EVPL: variants seen among roughly 807,000 people sequenced by gnomAD.
The protein encoded by EVPL is envoplakin, also known as 210 kDa cornified envelope precursor protein.
In EVPL, 94 loss-of-function variants were observed where a neutral mutation model predicts 129.7. That is an observed-to-expected ratio of 0.72 (90% CI 0.61 to 0.86). The LOEUF is 0.86. EVPL is among the 40% of genes least tolerant of loss of function. The probability of loss-of-function intolerance (pLI) is 0.00; values close to 1 mark genes in which losing one functional copy is unlikely to be tolerated. For synonymous variants in EVPL, 1,172 were observed against 1,191.1 expected (o/e 0.98, Z 0.33); for missense variants, 2,625 against 2,721.1 (o/e 0.96, Z 0.79).
In EVPL at chr17:76,013,511, T is replaced by A. The variant is rs955339745; in HGVS notation, c.2373+915A>T. Reference sequence around the variant, plus strand: ...CTCTCCCCAAATATGCTCTGTTTCCTGTGTTCCCGCCTCAAGTGGAGGTGC... The same window carrying A: ...CTCTCCCCAAATATGCTCTGTTTCCAGTGTTCCCGCCTCAAGTGGAGGTGC... On this transcript the variant is annotated intron_variant, in intron 18 of 21. Transcript: ENST00000301607. The surrounding 1 kb of genome is among the most constrained non-coding windows in gnomAD (Gnocchi z 4.3). 6.6e-6 allele frequency among the ~76,000 whole-genome samples: 1 copy of A among 152,196 alleles called. No individual in the cohort carries two copies. Among genetic ancestry groups the A allele is most frequent in the East Asian group, 1.9e-4 (1 of 5,198 alleles).
At chr17:76,014,197 G>A (rs932940080) in intron 18 of EVPL, among the ~76,000 whole-genome samples, 2 of 152,202 alleles carry the variant, frequency 1.3e-5, no homozygotes, top group African/African-American at 2.4e-5. Flanking sequence ...GAAAGTGGCC[G>A]GAACCCTCAG....
At chr17:76,020,979 CT>C (rs1237258379) in intron 9 of EVPL, among the ~76,000 whole-genome samples, 1 of 152,184 alleles carries the variant, frequency 6.6e-6, no homozygotes, top group African/African-American at 2.4e-5. Flanking sequence ...TTTCACCCCC[CT>C]GGGAACCGCT....
rs763778048 is a variant in EVPL, at chr17:76,011,855, G to A, written c.2485C>T (p.Arg829Cys). The A allele has an allele frequency of 2.1e-5, 34 of 1,613,424 alleles. No homozygotes were observed. The highest frequency in any genetic ancestry group is 5.0e-5 in the Admixed American group (3 of 59,840). The change falls in exon 20 of 22, where the codon CGC (arginine) becomes TGC (cysteine). Residue 829 changes from arginine (R) to cysteine (C), a missense_variant. By Grantham distance (180) the Arg-to-Cys change is radical. Transcript: ENST00000301607. ...QDYELQADTYRCSLEPTLAVS... is the reference protein window; with the variant it reads ...QDYELQADTYCCSLEPTLAVS... Reference sequence around the variant, plus strand: ...GCCAGGGTGGGCTCCAAAGAGCAGCGGTAGGTGTCTGCCTGGAGCTCATAG... The same window carrying A: ...GCCAGGGTGGGCTCCAAAGAGCAGCAGTAGGTGTCTGCCTGGAGCTCATAG...
intron 8 of EVPL, 41 bp from the exon 9 acceptor site, chr17:76,021,604 C>T: frequency 2.1e-6 from 3 of 1,417,130 alleles, no homozygotes; most frequent in Non-Finnish European, 2.8e-6. Context: ...ACGCCCCCCC[C>T]ACGTCCGCCC....
chr17:76,010,962 C>A (rs1443931389), intron 21 of EVPL, among the ~76,000 whole-genome samples: 1 of 151,850 alleles, frequency 6.6e-6, no homozygotes, highest in Non-Finnish European at 1.5e-5. Flanking sequence ...CTCAGGAGGC[C>A]GAGGCAGGAG....
At position 76,023,343 on chromosome 17, in the gene EVPL, G is replaced by A. The variant is rs1598245468; in HGVS notation, c.429C>T (p.Pro143=). Reference sequence around the variant, plus strand: ...AGTCGACCCTGGGTCCCACGTCGGGGGGCAGCACCATCTTCTCGTACAGGG... The same window carrying A: ...AGTCGACCCTGGGTCCCACGTCGGGAGGCAGCACCATCTTCTCGTACAGGG... ...YRALYEKMVL[P]PDVGPRVDWA... Residue 143 remains proline, a synonymous_variant, in exon 4 of 22, where the codon CCC becomes CCT. Transcript: ENST00000301607. 5.6e-6 allele frequency: 9 copies of A among 1,613,924 alleles called. No individual in the cohort carries two copies. The South Asian group carries it at 8.8e-5, about 16-fold the overall frequency.
Position 76,019,507 on chromosome 17 carries a change from G to A in EVPL, c.1137+21C>T, listed in dbSNP as rs200200722. 2,378 of 1,538,624 alleles carry A rather than the reference G, an allele frequency of 1.5e-3. 5 individuals carry two copies. The highest frequency in any genetic ancestry group is 1.7e-3 in the Non-Finnish European group (1,952 of 1,149,066). ...CAATTCCCAGAAGTGGGGTGCAGAC[G>A]GCCTGGTGGGGTTGTCTCACCTCCA... On this transcript the variant is annotated intron_variant, in intron 10 of 21. Transcript: ENST00000301607.
At chr17:76,026,938 GGA>G in intron 1 of EVPL, among the ~76,000 whole-genome samples, 161 bp downstream of exon 1, 1 of 152,362 alleles carries the variant, frequency 6.6e-6, no homozygotes, top group South Asian at 2.1e-4. Context: ...CCCAAGGCAG[GGA>G]GAGAGTCCAT....
chr17:76,019,010 C>T lies in EVPL; in HGVS notation c.1188G>A (p.Gln396=). 6.4e-7 allele frequency: 1 copy of T among 1,573,356 alleles called. No homozygotes were observed. The highest frequency in any genetic ancestry group is 8.6e-7 in the Non-Finnish European group (1 of 1,166,726). Residue 396 remains glutamine, a synonymous_variant, in exon 11 of 22, where the codon CAG becomes CAA. Coordinates refer to ENST00000301607, the MANE Select transcript of EVPL (RefSeq NM_001988.4). ...GAGGGGCCACATCCCGGCTTCGCCG[C>T]TGCAGGTCCCCAGTGGCCCTCTCGG... ...AVTERATGDL[Q]RRSRDVAPLP...
intron 11 of EVPL, 47 bp downstream of exon 11, chr17:76,018,867 T>C: frequency 1.4e-6 from 2 of 1,433,594 alleles, no homozygotes; most frequent in Non-Finnish European, 1.8e-6. Flanking sequence ...AGGGGATGGG[T>C]TGGGCGGGGC....
chr17:76,012,310 C>CTTT (rs11371360), intron 18 of EVPL: 159,731 of 379,876 alleles, frequency 0.42, 23,769 homozygotes, highest in Non-Finnish European at 0.44. Context: ...CCTTTCTTTC[C>CTTT]TTTTTTTTTT....
chr17:76,024,152 G>A lies in EVPL; in HGVS notation c.99-32C>T, dbSNP rs777081752. On this transcript the variant is annotated intron_variant, in intron 1 of 21. Coordinates refer to ENST00000301607, the MANE Select transcript of EVPL (RefSeq NM_001988.4). The surrounding 1 kb of genome is among the most constrained non-coding windows in gnomAD (Gnocchi z 4.5). ...TGTGGAGGGGACAGCGGGTAGCTCG[G>A]TGGAAGAGGCCCCTCTGTGCCCCAT... 6 of 1,600,034 alleles carry A rather than the reference G, an allele frequency of 3.7e-6. No individual in the cohort carries two copies. Among genetic ancestry groups the A allele is most frequent in the Non-Finnish European group, 5.1e-6 (6 of 1,171,466 alleles).
At position 76,017,729 on chromosome 17, in the gene EVPL, G is replaced by T; in HGVS notation, c.1710+10C>A. ...CTCATCCCAGCCGCCCCTTCCCGCT[G>T]CTCACCCACCTCATGGCTGTGGATG... is the stretch of plus-strand genomic sequence containing the variant. On this transcript the variant is annotated intron_variant, in intron 14 of 21. Coordinates refer to ENST00000301607, the MANE Select transcript of EVPL (RefSeq NM_001988.4). 6.2e-7 allele frequency: 1 copy of T among 1,607,716 alleles called. No individual in the cohort carries two copies.
intron 14 of EVPL, 48 bp from the exon 15 acceptor site, chr17:76,015,676 G>A (rs1241586975): frequency 1.3e-6 from 2 of 1,557,018 alleles, no homozygotes; most frequent in Non-Finnish European, 1.7e-6. Context: ...GGTTCCGCCC[G>A]ACTCTTCTAC....
chr17:76,010,895 T>C (rs557689896), intron 21 of EVPL, among the ~76,000 whole-genome samples: 2 of 152,230 alleles, frequency 1.3e-5, no homozygotes, highest in African/African-American at 2.4e-5. Context: ...ACCCCATCTC[T>C]ACTAAAAATC....
At position 76,022,368 on chromosome 17, in the gene EVPL, G is replaced by C. The variant is rs750084993; in HGVS notation, c.606+45C>G. ...TAGCTCCGGCTCTGACTGGAGAAAC[G>C]GGCTGGGGCTGGCCCCGGATGTGAC... On this transcript the variant is annotated intron_variant, in intron 5 of 21. Transcript: ENST00000301607. This position sits in a 1 kb window ranked among gnomAD's most constrained non-coding sequence, Gnocchi z 5.6. 2 of 1,611,198 alleles carry C rather than the reference G, an allele frequency of 1.2e-6. No homozygotes were observed. The highest frequency in any genetic ancestry group is 1.7e-5 in the Admixed American group (1 of 59,834).
chr17:76,021,037 G>T (rs1381617195), intron 9 of EVPL, among the ~76,000 whole-genome samples: 3 of 152,060 alleles, frequency 2.0e-5, no homozygotes, highest in Non-Finnish European at 4.4e-5. Flanking sequence ...CTCTGGGACC[G>T]AGTGGCAACC....
At chr17:76,014,657 GCCT>G in intron 17 of EVPL, 81 bp from the exon 18 acceptor site, 1 of 1,548,394 alleles carries the variant, frequency 6.5e-7, no homozygotes, top group South Asian at 1.2e-5. Flanking sequence ...GCTGATGGGA[GCCT>G]CCTCCTGGGG....
At chr17:76,015,149 G>A (rs1330750979) in intron 16 of EVPL, 40 bp from the exon 17 acceptor site, 2 of 1,562,216 alleles carry the variant, frequency 1.3e-6, no homozygotes, top group African/African-American at 1.3e-5. Context: ...CCTCGTGGCT[G>A]GGGAGACGCC....
Sources: gnomAD v4.1 joint callset for allele counts (sites outside exome capture counted in the v4.1 genomes callset) on GRCh38, gnomAD v4.1.1 for gene constraint, Gnocchi (gnomAD v3.1) non-coding constraint, MANE v1.5 for transcripts, NCBI Gene and HGNC (gene_info 2026-07-23, HGNC 2026-07-21) for gene names.